The following TMEM132C variants were observed in gnomAD, a reference collection of about 807,000 sequenced individuals.
TMEM132C encodes transmembrane protein 132C, also known as protein phosphatase 1, regulatory subunit 152.
Under a neutral mutation model 61.4 loss-of-function variants are expected in TMEM132C, and 29 were observed. The ratio of observed to expected loss-of-function variants is 0.47; its 90% CI spans 0.35 to 0.64. The LOEUF (loss-of-function observed/expected upper bound fraction) is 0.64, where lower values mean the gene tolerates loss of function less well. TMEM132C is among the 30% of genes least tolerant of loss of function. The pLI is 0.00. For missense variants in TMEM132C, 1,408 were observed against 1,476.9 expected (o/e 0.95, Z 0.76); for synonymous variants, 656 against 633.1 (o/e 1.04, Z -0.54).
Position 128,415,593 on chromosome 12 carries a change from A to T in TMEM132C, c.947A>T (p.Asn316Ile). ...ACGGCCTATGTCACCATCTCGAGCA[A>T]TTCCTCTGTGGACCTCTTCATCTTG... The part of the protein sequence containing the change: ...VVTAYVTISS[N>I]SSVDLFILRA... Residue 316 changes from asparagine to isoleucine, a missense_variant, in exon 2 of 9, where the codon AAT becomes ATT. Physicochemically the swap from Asn to Ile is moderately radical, Grantham distance 149 (BLOSUM62 -3). Transcript: ENST00000435159. The surrounding 1 kb of genome is among the most constrained non-coding windows in gnomAD (Gnocchi z 5.8). 1 of 1,544,344 alleles carries T rather than the reference A, an allele frequency of 6.5e-7. No homozygotes were observed. The highest frequency in any genetic ancestry group is 1.2e-5 in the South Asian group (1 of 82,932).
At chr12:128,589,081 A>G (rs1408620628) in intron 3 of TMEM132C, among the ~76,000 whole-genome samples, 1 of 152,154 alleles carries the variant, frequency 6.6e-6, no homozygotes, top group Non-Finnish European at 1.5e-5. Flanking sequence ...CCCAGATTGC[A>G]GGGTGTGTCA....
intron 2 of TMEM132C, among the ~76,000 whole-genome samples, chr12:128,523,230 A>G (rs541763059): frequency 6.6e-6 from 1 of 152,292 alleles, no homozygotes; most frequent in South Asian, 2.1e-4. Flanking sequence ...AGAGACAGAA[A>G]GCAGAATGGT....
At position 128,697,961 on chromosome 12, in the gene TMEM132C, AC is replaced by A. The variant is rs567636019; in HGVS notation, c.2121+549del. On this transcript the variant is annotated intron_variant, in intron 8 of 8. Coordinates refer to ENST00000435159, the MANE Select transcript of TMEM132C (RefSeq NM_001136103.3). ...GAGCATGGCTCTTTCTCATTTTCATACCCAGTTATGATACCCTCTTCTCATA... is the reference window on the plus strand; with the variant it reads ...GAGCATGGCTCTTTCTCATTTTCATACCAGTTATGATACCCTCTTCTCATA... 2.6e-3 allele frequency among the ~76,000 whole-genome samples: 397 copies of A among 152,222 alleles called. 2 individuals are homozygous for A. Among genetic ancestry groups the A allele is most frequent in the Non-Finnish European group, 2.6e-3 (174 of 68,018 alleles).
At chr12:128,458,060 G>A (rs1054635061) in intron 2 of TMEM132C, among the ~76,000 whole-genome samples, 5 of 151,844 alleles carry the variant, frequency 3.3e-5, no homozygotes, top group African/African-American at 1.2e-4. Context: ...GCCAGACAAA[G>A]CCTAGCAGTG....
chr12:128,441,765 C>T (rs1009016633), intron 2 of TMEM132C, among the ~76,000 whole-genome samples: 2 of 152,074 alleles, frequency 1.3e-5, no homozygotes, highest in Non-Finnish European at 2.9e-5. Flanking sequence ...GAGGCCGAGG[C>T]GGGCAGATCA....
At chr12:128,358,319 A>G (rs889417964) in intron 1 of TMEM132C, among the ~76,000 whole-genome samples, 3 of 152,222 alleles carry the variant, frequency 2.0e-5, no homozygotes, top group African/African-American at 7.2e-5. Context: ...TATCCTGCTC[A>G]AAAATTGGTA....
intron 1 of TMEM132C, among the ~76,000 whole-genome samples, chr12:128,359,760 G>A (rs1391375786): frequency 1.3e-5 from 2 of 152,144 alleles, no homozygotes; most frequent in Admixed American, 6.5e-5. Flanking sequence ...AACACTTTGT[G>A]TCTTTTCTTG....
At chr12:128,340,955 T>C (rs1593017396) in intron 1 of TMEM132C, among the ~76,000 whole-genome samples, 2 of 151,400 alleles carry the variant, frequency 1.3e-5, no homozygotes, top group Admixed American at 1.3e-4. Context: ...TTTCTTTCTT[T>C]CTTTCTTTCT....
chr12:128,369,713 A>G (rs910997728), intron 1 of TMEM132C, among the ~76,000 whole-genome samples: 3 of 152,194 alleles, frequency 2.0e-5, no homozygotes, highest in African/African-American at 4.8e-5. Flanking sequence ...TGGGATGGAC[A>G]TGTGTCCTGT....
At chr12:128,517,507 C>T (rs541658771) in intron 2 of TMEM132C, among the ~76,000 whole-genome samples, 1 of 152,164 alleles carries the variant, frequency 6.6e-6, no homozygotes, top group South Asian at 2.1e-4. Flanking sequence ...TACTTTAACA[C>T]TTTGAAATGC....
At chr12:128,402,253 A>G (rs1875186393) in intron 1 of TMEM132C, among the ~76,000 whole-genome samples, 1 of 152,114 alleles carries the variant, frequency 6.6e-6, no homozygotes, top group African/African-American at 2.4e-5. Flanking sequence ...TTTTATTTTA[A>G]GTTCATGGGT....
chr12:128,693,308 C>T (rs1954733392), intron 5 of TMEM132C, among the ~76,000 whole-genome samples: 1 of 152,144 alleles, frequency 6.6e-6, no homozygotes, highest in Non-Finnish European at 1.5e-5. Flanking sequence ...GACATAACTG[C>T]CCAGGGTGTG....
chr12:128,415,423 G>A lies in TMEM132C; in HGVS notation c.777G>A (p.Leu259=), dbSNP rs1312326189. ...CCATCCGTCCAGGAAAGGATGGGCT[G>A]GAGGAAACCACGTCCCACCTGCAGA... is the stretch of plus-strand genomic sequence containing the variant. ...GNAIRPGKDG[L]EETTSHLQRI... Residue 259 remains leucine (L), a synonymous_variant, in exon 2 of 9, where the codon CTG becomes CTA. Coordinates refer to ENST00000435159, the MANE Select transcript of TMEM132C (RefSeq NM_001136103.3). The surrounding 1 kb of genome is among the most constrained non-coding windows in gnomAD (Gnocchi z 5.8). The A allele has an allele frequency of 1.9e-6, 3 of 1,551,502 alleles. No homozygotes were observed. Among genetic ancestry groups the A allele is most frequent in the African/African-American group, 2.7e-5 (2 of 73,056 alleles).
At chr12:128,676,855 G>A (rs1371492984) in intron 5 of TMEM132C, among the ~76,000 whole-genome samples, 1 of 152,220 alleles carries the variant, frequency 6.6e-6, no homozygotes, top group Non-Finnish European at 1.5e-5. Flanking sequence ...CCAGGCCAGT[G>A]TGCGGTGTAA....
Position 128,296,973 on chromosome 12 carries a change from C to T in TMEM132C, c.85+29486C>T, listed in dbSNP as rs185858047. Reference sequence around the variant, plus strand: ...AAACTGCATATTTCACCAAAACACACCCCGTGATCTTTGGACAAAATAAAT... The same window carrying T: ...AAACTGCATATTTCACCAAAACACATCCCGTGATCTTTGGACAAAATAAAT... On this transcript the variant is annotated intron_variant, in intron 1 of 8. Transcript: ENST00000435159. 4.5e-4 allele frequency among the ~76,000 whole-genome samples: 69 copies of T among 152,230 alleles called. No individual in the cohort carries two copies. The East Asian group carries it at 0.013, about 29-fold the overall frequency.
rs115668666 is a variant in TMEM132C, at chr12:128,584,851, C to T, written c.1122-31301C>T. Among the ~76,000 whole-genome samples, 755 of 152,320 alleles carry T rather than the reference C, an allele frequency of 5.0e-3. 4 individuals are homozygous for T. The highest frequency in any genetic ancestry group is 0.017 in the African/African-American group (719 of 41,586). On this transcript the variant is annotated intron_variant, in intron 3 of 8. Transcript: ENST00000435159. The stretch of plus-strand genomic sequence containing the variant: ...GCTGTCCCCACAGGCAGCTTCCACT[C>T]CTCCCACCATGGTGGCCTCGGGGCA...
chr12:128,430,533 G>A (rs1869348397), intron 2 of TMEM132C, among the ~76,000 whole-genome samples: 1 of 152,116 alleles, frequency 6.6e-6, no homozygotes, highest in Admixed American at 6.5e-5. Flanking sequence ...AATTATACAG[G>A]CATATGTTGT....
At chr12:128,689,774 T>C (rs907574799) in intron 5 of TMEM132C, among the ~76,000 whole-genome samples, 15 of 151,582 alleles carry the variant, frequency 9.9e-5, no homozygotes, top group Non-Finnish European at 2.2e-4. Context: ...GATCTCACAG[T>C]GGTACCCAGA....
chr12:128,609,103 GCCTCCCTGCACTGTAACCTCCA>G (rs1313825297), intron 3 of TMEM132C, among the ~76,000 whole-genome samples: 8 of 150,764 alleles, frequency 5.3e-5, no homozygotes, highest in African/African-American at 1.2e-4. Context: ...TGTAACCTCT[GCCTCCCTGCACTGTAACCTCCA>G]CCTCCCTGCA....
Sources: gnomAD v4.1 joint callset for allele counts (sites outside exome capture counted in the v4.1 genomes callset) on GRCh38, gnomAD v4.1.1 for gene constraint, Gnocchi (gnomAD v3.1) non-coding constraint, MANE v1.5 for transcripts, NCBI Gene and HGNC (gene_info 2026-07-23, HGNC 2026-07-21) for gene names.